Variants in TBXAS1 observed in about 807,000 individuals in gnomAD.
The protein encoded by TBXAS1 is thromboxane A synthase 1, also known as thromboxane-A synthase.
Under a neutral mutation model 60.7 loss-of-function variants are expected in TBXAS1, and 48 were observed. The ratio of observed to expected loss-of-function variants is 0.79; its 90% CI spans 0.63 to 1.01. The LOEUF is 1.01. Among genes scored for constraint, TBXAS1 ranks in the 50% least tolerant of loss-of-function variants. TBXAS1 has a pLI of 0.00. For synonymous variants in TBXAS1, 287 were observed against 269.7 expected, an observed-to-expected ratio of 1.06 and a Z score of -0.63; for missense variants, 685 against 686.3, an observed-to-expected ratio of 1.00 and a Z score of 0.02.
rs569510186 is a variant in TBXAS1, at chr7:139,884,522, T to C, written c.236+8885T>C. Among the ~76,000 whole-genome samples, 10 of 152,280 alleles carry C rather than the reference T, an allele frequency of 6.6e-5. No individual in the cohort carries two copies. The South Asian group carries it at 1.9e-3, about 28-fold the overall frequency. On this transcript the variant is annotated intron_variant, in intron 3 of 12. Transcript: ENST00000448866. ...AATAATCCCATTTGCCGGGGTAAGC[T>C]AGCTGTGGAAAACTGACCAGGCTGT...
chr7:139,875,210 T>C (rs1015156681), intron 2 of TBXAS1, among the ~76,000 whole-genome samples: 8 of 152,236 alleles, frequency 5.3e-5, no homozygotes, highest in African/African-American at 1.9e-4. Context: ...AATTCAGAAT[T>C]TGTGATAATT....
intron 4 of TBXAS1, among the ~76,000 whole-genome samples, chr7:139,820,129 T>C (rs1478867989): frequency 1.3e-5 from 2 of 152,166 alleles, no homozygotes; most frequent in Non-Finnish European, 2.9e-5. Flanking sequence ...GAAAAATGAC[T>C]GTTCCAGGCA....
chr7:139,964,127 C>G (rs1009235761), intron 9 of TBXAS1, among the ~76,000 whole-genome samples: 3 of 152,102 alleles, frequency 2.0e-5, no homozygotes, highest in Admixed American at 2.0e-4. Flanking sequence ...CTCTTGTTGC[C>G]GAGGCTGGAG....
chr7:140,012,063 C>T (rs78040167), intron 10 of TBXAS1, among the ~76,000 whole-genome samples: 1 of 152,252 alleles, frequency 6.6e-6, no homozygotes, highest in East Asian at 1.9e-4. Flanking sequence ...GTGGTACAGA[C>T]AGGAGCAGGA....
At position 140,013,446 on chromosome 7, in the gene TBXAS1, G is replaced by T. The variant is rs986621505; in HGVS notation, c.1227-2277G>T. 1.3e-5 allele frequency among the ~76,000 whole-genome samples: 2 copies of T among 152,116 alleles called. No individual in the cohort carries two copies. Among genetic ancestry groups the T allele is most frequent in the Non-Finnish European group, 2.9e-5 (2 of 68,016 alleles). ...CTCATTTCCCAGGGTCACCTGCTGGGCCATAATCAACAAGGTACAAGCTTA... is the reference window on the plus strand; with the variant it reads ...CTCATTTCCCAGGGTCACCTGCTGGTCCATAATCAACAAGGTACAAGCTTA... On this transcript the variant is annotated intron_variant, in intron 10 of 12. Transcript: ENST00000448866. The surrounding 1 kb of genome is among the most constrained non-coding windows in gnomAD (Gnocchi z 4.2).
intron 4 of TBXAS1, among the ~76,000 whole-genome samples, chr7:139,803,677 C>A (rs1455423713): frequency 1.3e-5 from 2 of 152,160 alleles, no homozygotes; most frequent in Non-Finnish European, 2.9e-5. Flanking sequence ...CCACTGTGTG[C>A]AGCCTAGGAA....
upstream of TBXAS1, among the ~76,000 whole-genome samples, chr7:139,824,578 C>G (rs921901748): frequency 5.3e-5 from 8 of 152,158 alleles, no homozygotes; most frequent in Non-Finnish European, 7.3e-5. Context: ...CGTTATGTCT[C>G]TAAATATGAA....
At chr7:139,779,470 G>A (rs923400397) in intron 1 of TBXAS1, among the ~76,000 whole-genome samples, 3 of 152,112 alleles carry the variant, frequency 2.0e-5, no homozygotes, top group African/African-American at 7.2e-5. Flanking sequence ...AGGTCATCTG[G>A]GCCAGCCCTG....
At chr7:139,902,926 T>C (rs1328747022) in intron 3 of TBXAS1, among the ~76,000 whole-genome samples, 1 of 152,140 alleles carries the variant, frequency 6.6e-6, no homozygotes, top group Non-Finnish European at 1.5e-5. Flanking sequence ...TGTCTGTTCA[T>C]GTCTTTTGCC....
At chr7:139,944,716 C>T (rs1808562135) in intron 5 of TBXAS1, among the ~76,000 whole-genome samples, 1 of 152,136 alleles carries the variant, frequency 6.6e-6, no homozygotes, top group Non-Finnish European at 1.5e-5. Context: ...TTTTGAGTCC[C>T]TCTTCGTGTG....
rs1414650874 is a variant in TBXAS1 at position 140,013,137 on chromosome 7, G to A, written c.1227-2586G>A. Among the ~76,000 whole-genome samples the A allele has an allele frequency of 6.6e-6, 1 of 151,950 alleles. No homozygotes were observed. On this transcript the variant is annotated intron_variant, in intron 10 of 12. Transcript: ENST00000448866. The surrounding 1 kb of genome is among the most constrained non-coding windows in gnomAD (Gnocchi z 4.2). ...CAAGATGTATGACATAACAATTTAGGAATGAGTGAATACAGGTAGGTGAGT... is the reference window on the plus strand; with the variant it reads ...CAAGATGTATGACATAACAATTTAGAAATGAGTGAATACAGGTAGGTGAGT...
At chr7:139,971,373 T>A (rs1191483898) in intron 9 of TBXAS1, among the ~76,000 whole-genome samples, 1 of 152,196 alleles carries the variant, frequency 6.6e-6, no homozygotes, top group East Asian at 1.9e-4. Context: ...TACTAGGGAC[T>A]TCTGTGCCCC....
At chr7:139,894,297 G>A (rs897755564) in intron 3 of TBXAS1, among the ~76,000 whole-genome samples, 1 of 152,158 alleles carries the variant, frequency 6.6e-6, no homozygotes, top group African/African-American at 2.4e-5. Context: ...GGTTAGGAAA[G>A]TGTGCAGAAG....
chr7:139,850,439 C>G (rs781422025), intron 1 of TBXAS1, among the ~76,000 whole-genome samples: 1 of 152,240 alleles, frequency 6.6e-6, no homozygotes. Flanking sequence ...CTCTCCATCT[C>G]ACATCCTCTG....
At chr7:139,945,342 C>T (rs546758056) in intron 5 of TBXAS1, among the ~76,000 whole-genome samples, 22 of 152,338 alleles carry the variant, frequency 1.4e-4, no homozygotes, top group African/African-American at 4.6e-4. Context: ...TGAGGACCCA[C>T]GTTCAGAGAG....
At chr7:140,014,908 C>CAAAA (rs771922926) in intron 10 of TBXAS1, among the ~76,000 whole-genome samples, 1 of 131,278 alleles carries the variant, frequency 7.6e-6, no homozygotes, top group African/African-American at 3.1e-5. Flanking sequence ...GACCCTGTCT[C>CAAAA]AAAAAAAAAG....
At chr7:139,938,514 A>G (rs1339828718) in intron 5 of TBXAS1, among the ~76,000 whole-genome samples, 1 of 152,126 alleles carries the variant, frequency 6.6e-6, no homozygotes, top group African/African-American at 2.4e-5. Flanking sequence ...TCTGTTATCT[A>G]TTGAGGATTC....
chr7:139,823,419 G>C (rs913581204), intron 4 of TBXAS1, among the ~76,000 whole-genome samples: 1 of 151,938 alleles, frequency 6.6e-6, no homozygotes, highest in African/African-American at 2.4e-5. Flanking sequence ...CTGATCTCCC[G>C]CTCTCAGAAA....
intron 4 of TBXAS1, among the ~76,000 whole-genome samples, chr7:139,815,185 C>A (rs1378252348): frequency 6.6e-6 from 1 of 152,172 alleles, no homozygotes; most frequent in African/African-American, 2.4e-5. Flanking sequence ...AAAACTCTGG[C>A]CTTGCTGTTC....
Sources: allele counts gnomAD v4.1 joint callset (sites outside exome capture counted in the v4.1 genomes callset), GRCh38; gene constraint gnomAD v4.1.1; non-coding constraint Gnocchi (gnomAD v3.1); transcripts MANE v1.5; gene names NCBI Gene and HGNC (gene_info 2026-07-23, HGNC 2026-07-21).